The following TBC1D22A variants were observed in gnomAD, a reference collection of about 807,000 sequenced individuals.
The protein encoded by TBC1D22A is TBC1 domain family member 22A, also known as putative GTPase activator.
TBC1D22A carries 38 observed loss-of-function variants against 60.2 expected under a neutral mutation model. The observed-to-expected ratio is 0.63, with a 90% confidence interval of 0.49 to 0.83. TBC1D22A has a LOEUF of 0.83. Ranked by LOEUF, TBC1D22A falls within the 40% of genes least tolerant of loss-of-function variation. The pLI, the probability that TBC1D22A is intolerant of heterozygous loss-of-function variation, is 0.00. For missense variants in TBC1D22A, 628 were observed against 701.0 expected (o/e 0.90, Z 1.18); for synonymous variants, 302 against 281.7 (o/e 1.07, Z -0.72).
chr22:46,779,336 G>A (rs1171776774), intron 1 of TBC1D22A, among the ~76,000 whole-genome samples: 2 of 152,030 alleles, frequency 1.3e-5, no homozygotes, highest in Non-Finnish European at 2.9e-5. Flanking sequence ...TGACTAAAAT[G>A]TCGTTATGTG....
intron 4 of TBC1D22A, among the ~76,000 whole-genome samples, chr22:46,865,332 G>T (rs888412236): frequency 1.3e-5 from 2 of 152,214 alleles, no homozygotes; most frequent in Admixed American, 6.5e-5. Flanking sequence ...CTCTCTAGCT[G>T]CAGTGTCCTT....
chr22:46,966,185 C>T (rs191658146), intron 8 of TBC1D22A, among the ~76,000 whole-genome samples: 95 of 152,322 alleles, frequency 6.2e-4, no homozygotes, highest in African/African-American at 1.9e-3. Context: ...CCGATCCTGC[C>T]GCCCTCCAGG....
chr22:47,077,857 T>C (rs1388999201), intron 11 of TBC1D22A, among the ~76,000 whole-genome samples: 1 of 152,238 alleles, frequency 6.6e-6, no homozygotes, highest in Non-Finnish European at 1.5e-5. Flanking sequence ...TAGGAATGCC[T>C]GTGCGCCATG....
chr22:47,076,367 A>ATATATATATATATATGTGTG (rs1569422569), intron 11 of TBC1D22A, among the ~76,000 whole-genome samples: 174 of 103,862 alleles, frequency 1.7e-3, no homozygotes, highest in African/African-American at 6.8e-3. Context: ...GTGTGTATAT[A>ATATATATATATATATGTGTG]TATATATATA....
intron 11 of TBC1D22A, among the ~76,000 whole-genome samples, chr22:47,062,087 C>CAAAAAAAAAAAAAAAAAA (rs908701365): frequency 1.6e-5 from 1 of 63,004 alleles, no homozygotes; most frequent in Admixed American, 2.1e-4. Flanking sequence ...GACTCCATCT[C>CAAAAAAAAAAAAAAAAAA]AAAAAAAAAA....
At chr22:46,931,046 T>A (rs1441149915) in intron 8 of TBC1D22A, among the ~76,000 whole-genome samples, 1 of 152,144 alleles carries the variant, frequency 6.6e-6, no homozygotes, top group Non-Finnish European at 1.5e-5. Context: ...AGTTCCAGAG[T>A]TCTAGTCCCT....
intron 5 of TBC1D22A, among the ~76,000 whole-genome samples, chr22:46,881,093 G>A (rs2067826830): frequency 6.6e-6 from 1 of 152,048 alleles, no homozygotes; most frequent in Non-Finnish European, 1.5e-5. Flanking sequence ...GGCTGGGGTA[G>A]AGGGGCCCAA....
At chr22:46,862,451 T>TAA (rs2087947132) in intron 4 of TBC1D22A, among the ~76,000 whole-genome samples, 1 of 152,174 alleles carries the variant, frequency 6.6e-6, no homozygotes, top group Admixed American at 6.5e-5. Context: ...AGCCCCCTCT[T>TAA]GCTTCTGTTC....
chr22:47,052,367 A>T (rs2063253948), intron 11 of TBC1D22A, among the ~76,000 whole-genome samples: 1 of 152,172 alleles, frequency 6.6e-6, no homozygotes, highest in Non-Finnish European at 1.5e-5. Flanking sequence ...AGGGGCAGGC[A>T]CAGCGGGCGA....
At chr22:47,091,045 G>T (rs549498401) in intron 11 of TBC1D22A, among the ~76,000 whole-genome samples, 3 of 137,270 alleles carry the variant, frequency 2.2e-5, no homozygotes, top group Admixed American at 7.3e-5. Context: ...AGTCGTCTTT[G>T]GGGGGAGTGG....
In TBC1D22A at chr22:47,076,327, A is replaced by G. The variant is rs200887791; in HGVS notation, c.1330-35181A>G. Among the ~76,000 whole-genome samples, 65 of 142,532 alleles carry G rather than the reference A, an allele frequency of 4.6e-4. No homozygotes were observed. The East Asian group carries it at 0.012, about 25-fold the overall frequency. 93.5% of individuals were successfully genotyped at this position (142,532 alleles called of 152,430 possible). ...TTGGGACTGATGTATATATATGTATATGTGTGTGTGTGTGTATATATATAT... is the reference window on the plus strand; with the variant it reads ...TTGGGACTGATGTATATATATGTATGTGTGTGTGTGTGTGTATATATATAT... On this transcript the variant is annotated intron_variant, in intron 11 of 12. Coordinates refer to ENST00000337137, the MANE Select transcript of TBC1D22A (RefSeq NM_014346.5).
At chr22:47,169,531 T>C (rs2068350624) in intron 12 of TBC1D22A, among the ~76,000 whole-genome samples, 1 of 152,170 alleles carries the variant, frequency 6.6e-6, no homozygotes, top group African/African-American at 2.4e-5. Context: ...AGCGAGAGTC[T>C]GATTCTGTTG....
At position 46,793,578 on chromosome 22, in the gene TBC1D22A, G is replaced by A. The variant is rs2084516598; in HGVS notation, c.197G>A (p.Ser66Asn). Residue 66 changes from serine (S) to asparagine (N), a missense_variant, in exon 3 of 13, where the codon AGC becomes AAC. Physicochemically the swap from Ser to Asn is conservative, Grantham distance 46. Transcript: ENST00000337137. ...KRVSTFQEFE[S>N]NTSDAWDAGE... Reference sequence around the variant, plus strand: ...GTCAGCACCTTCCAGGAGTTTGAGAGCAATACCAGCGATGCCTGGGACGCT... The same window carrying A: ...GTCAGCACCTTCCAGGAGTTTGAGAACAATACCAGCGATGCCTGGGACGCT... The A allele has an allele frequency of 6.2e-7, 1 of 1,614,126 alleles. No homozygotes were observed. The highest frequency in any genetic ancestry group is 8.5e-7 in the Non-Finnish European group (1 of 1,180,052).
At chr22:46,877,020 A>G (rs1043529922) in intron 4 of TBC1D22A, among the ~76,000 whole-genome samples, 1 of 152,148 alleles carries the variant, frequency 6.6e-6, no homozygotes, top group Non-Finnish European at 1.5e-5. Flanking sequence ...TTGATCTACT[A>G]AGATTTTATT....
chr22:46,781,271 G>T (rs1290745086), intron 1 of TBC1D22A, among the ~76,000 whole-genome samples: 1 of 151,944 alleles, frequency 6.6e-6, no homozygotes, highest in Non-Finnish European at 1.5e-5. Flanking sequence ...GACTTCCTGG[G>T]CTCAGGTGAT....
At chr22:46,857,082 C>T (rs896280024) in intron 4 of TBC1D22A, among the ~76,000 whole-genome samples, 5 of 152,236 alleles carry the variant, frequency 3.3e-5, no homozygotes, top group African/African-American at 7.2e-5. Flanking sequence ...GAAGGGGTGC[C>T]GTGGTCATCA....
intron 4 of TBC1D22A, among the ~76,000 whole-genome samples, chr22:46,815,046 CA>C (rs1245033568): frequency 6.6e-6 from 1 of 152,216 alleles, no homozygotes; most frequent in Non-Finnish European, 1.5e-5. Flanking sequence ...TATCAAAATA[CA>C]TTCATTTCTT....
chr22:47,162,399 T>C (rs1461028858), intron 12 of TBC1D22A, among the ~76,000 whole-genome samples: 3 of 152,142 alleles, frequency 2.0e-5, no homozygotes, highest in African/African-American at 7.2e-5. Context: ...CCCGTGGAGT[T>C]GCCATGGCGT....
rs185969671 is a variant in TBC1D22A, at chr22:47,028,350, C to T, written c.1202-8721C>T. On this transcript the variant is annotated intron_variant, in intron 10 of 12. Coordinates refer to ENST00000337137, the MANE Select transcript of TBC1D22A (RefSeq NM_014346.5). This position sits in a 1 kb window ranked among gnomAD's most constrained non-coding sequence, Gnocchi z 4.4. ...CCTGTCCCTCGGTCCCTGTCCCCCA[C>T]GGCCCAGGTTCTGAGAGTGAGTGGT... 1.6e-3 allele frequency among the ~76,000 whole-genome samples: 241 copies of T among 151,558 alleles called. No individual in the cohort carries two copies. Among genetic ancestry groups the T allele is most frequent in the African/African-American group, 5.7e-3 (234 of 41,230 alleles).
Sources: allele counts gnomAD v4.1 joint callset (sites outside exome capture counted in the v4.1 genomes callset), GRCh38; gene constraint gnomAD v4.1.1; non-coding constraint Gnocchi (gnomAD v3.1); transcripts MANE v1.5; gene names NCBI Gene and HGNC (gene_info 2026-07-23, HGNC 2026-07-21).